Variants in ATP10D observed in about 807,000 individuals in gnomAD.
ATP10D encodes the protein ATPase phospholipid transporting 10D (putative), also known as phospholipid-transporting ATPase VD.
In ATP10D, 89 loss-of-function variants were observed where a neutral mutation model predicts 144.8. The observed-to-expected ratio is 0.61, with a 90% CI of 0.52 to 0.73. ATP10D has a LOEUF of 0.73. Among genes scored for constraint, ATP10D ranks in the 30% least tolerant of loss-of-function variants. The pLI is 0.00. For missense variants in ATP10D, 1,603 were observed against 1,714.8 expected (o/e 0.93, Z 1.15); for synonymous variants, 571 against 615.1 (o/e 0.93, Z 1.06).
At position 47,546,659 on chromosome 4, in the gene ATP10D, G is replaced by T; in HGVS notation, c.1432G>T (p.Glu478Ter). 6.2e-7 allele frequency: 1 copy of T among 1,614,122 alleles called. No individual in the cohort carries two copies. Among genetic ancestry groups the T allele is most frequent in the Non-Finnish European group, 8.5e-7 (1 of 1,179,970 alleles). Residue 478 changes from glutamate to a stop codon, truncating the protein, a stop_gained, in exon 10 of 23, where the codon GAA becomes TAA. Coordinates refer to ENST00000273859, the MANE Select transcript of ATP10D (RefSeq NM_020453.4). LOFTEE classifies it high-confidence loss of function. ...GGAGTCCTATCAGGAAGCTGTCTCT[G>T]AAGATGAAGATTTTATAGACACAGT... ...RLESYQEAVS[E>*]DEDFIDTVSG...
At chr4:47,550,155 G>A (rs1718660532) in intron 10 of ATP10D, among the ~76,000 whole-genome samples, 2 of 152,064 alleles carry the variant, frequency 1.3e-5, no homozygotes, top group Admixed American at 1.3e-4. Context: ...AACAGTATTA[G>A]AGCTCCTTGG....
chr4:47,512,522 A>T lies in ATP10D; in HGVS notation c.-19A>T. ...TTGCCAGGTCAGCTACACAACCTGGATCTTACCACAGTTTGGATATGACTG... is the reference window on the plus strand; with the variant it reads ...TTGCCAGGTCAGCTACACAACCTGGTTCTTACCACAGTTTGGATATGACTG... On this transcript the variant is annotated 5_prime_UTR_variant, in exon 2 of 23. Coordinates refer to ENST00000273859, the MANE Select transcript of ATP10D (RefSeq NM_020453.4). The T allele has an allele frequency of 1.3e-6, 2 of 1,596,618 alleles. No homozygotes were observed.
Position 47,523,550 on chromosome 4 carries a change from A to G in ATP10D, c.690+334A>G, listed in dbSNP as rs975272516. Among the ~76,000 whole-genome samples, 4 of 152,190 alleles carry G rather than the reference A, an allele frequency of 2.6e-5. No individual in the cohort carries two copies. In the South Asian group the frequency reaches 8.3e-4, roughly 32 times the overall value. On this transcript the variant is annotated intron_variant, in intron 4 of 22. Transcript: ENST00000273859. Reference sequence around the variant, plus strand: ...TTCTAAAATCTGTAATTACTTATATACCAAAGCTTAAAACTTTAGCAGCTT... The same window carrying G: ...TTCTAAAATCTGTAATTACTTATATGCCAAAGCTTAAAACTTTAGCAGCTT...
chr4:47,573,082 C>A, intron 18 of ATP10D, 85 bp downstream of exon 18: 1 of 1,477,030 alleles, frequency 6.8e-7, no homozygotes, highest in Non-Finnish European at 9.3e-7. Context: ...GTGTCCTATG[C>A]TAAGCTCACT....
chr4:47,508,247 T>C (rs1485417396), intron 1 of ATP10D, among the ~76,000 whole-genome samples: 4 of 152,202 alleles, frequency 2.6e-5, no homozygotes, highest in African/African-American at 9.7e-5. Context: ...TCTTTTTGAT[T>C]GTTCGGTTTT....
chr4:47,560,836 G>A, intron 13 of ATP10D, 113 bp from the exon 14 acceptor site: 1 of 1,329,900 alleles, frequency 7.5e-7, no homozygotes, highest in Non-Finnish European at 1.1e-6. Flanking sequence ...TGTGCCCAGA[G>A]GGAGGAATAT....
chr4:47,536,562 C>G lies in ATP10D; in HGVS notation c.1141C>G (p.Gln381Glu). 1.2e-6 allele frequency: 2 copies of G among 1,611,928 alleles called. No individual in the cohort carries two copies. Among genetic ancestry groups the G allele is most frequent in the Non-Finnish European group, 1.7e-6 (2 of 1,179,262 alleles). Reference sequence around the variant, plus strand: ...GTTTTGGACCATGATCATTTTGTTACAGGTAATTTTTTATCAAGCTTATGG... The same window carrying G: ...GTTTTGGACCATGATCATTTTGTTAGAGGTAATTTTTTATCAAGCTTATGG... ...YMFWTMIILL[Q>E]VLIPISLYVS... The change falls in exon 8 of 23, where the codon CAG becomes GAG. Residue 381 changes from glutamine (Q) to glutamate (E), a missense_variant and splice_region_variant. Coordinates refer to ENST00000273859, the MANE Select transcript of ATP10D (RefSeq NM_020453.4).
At chr4:47,486,093 G>A (rs918304186) in intron 1 of ATP10D, among the ~76,000 whole-genome samples, 5 of 152,166 alleles carry the variant, frequency 3.3e-5, no homozygotes, top group Admixed American at 3.3e-4. Context: ...TTTCAAAGGA[G>A]TGCTACAAAG....
At chr4:47,535,732 T>A in intron 6 of ATP10D, 117 bp downstream of exon 6, 2 of 1,332,156 alleles carry the variant, frequency 1.5e-6, no homozygotes, top group Non-Finnish European at 2.0e-6. Context: ...CTGATAAACT[T>A]AATTATTGGT....
Position 47,536,837 on chromosome 4 carries a change from T to G in ATP10D, c.1295T>G (p.Ile432Ser). Residue 432 changes from isoleucine (I) to serine (S), a missense_variant, in exon 9 of 23, where the codon ATT becomes AGT. By Grantham distance (142) the Ile-to-Ser change is moderately radical. Coordinates refer to ENST00000273859, the MANE Select transcript of ATP10D (RefSeq NM_020453.4). ...ALNIAEDLGQ[I>S]QYLFSDKTGT... ...AACATCGCCGAGGATCTGGGACAGA[T>G]TCAGTACCTCTTTTCCGATAAGACA... 1 of 1,613,390 alleles carries G rather than the reference T, an allele frequency of 6.2e-7. No individual in the cohort carries two copies.
intron 3 of ATP10D, among the ~76,000 whole-genome samples, chr4:47,520,569 T>C (rs551462677): frequency 6.6e-6 from 1 of 152,122 alleles, no homozygotes; most frequent in East Asian, 1.9e-4. Context: ...CTTTTTTGTT[T>C]TGTTTTGTTT....
At chr4:47,499,066 G>A (rs77434227) in intron 1 of ATP10D, among the ~76,000 whole-genome samples, 14,235 of 152,166 alleles carry the variant, frequency 0.094, 779 homozygotes, top group Non-Finnish European at 0.12. Flanking sequence ...TTTATCTCTC[G>A]GTTAGTCTTT....
intron 22 of ATP10D, among the ~76,000 whole-genome samples, chr4:47,589,706 G>T (rs1379082146): frequency 2.0e-5 from 3 of 151,998 alleles, no homozygotes; most frequent in Non-Finnish European, 2.9e-5. Flanking sequence ...AGAAGGAAAG[G>T]TTTCCATATT....
chr4:47,550,031 A>T (rs1327589653), intron 10 of ATP10D, among the ~76,000 whole-genome samples: 1 of 149,638 alleles, frequency 6.7e-6, no homozygotes, highest in East Asian at 2.0e-4. Context: ...ATTTGCGTCC[A>T]CTCTTAAGCC....
chr4:47,518,160 T>C (rs1384403733), intron 3 of ATP10D, among the ~76,000 whole-genome samples: 1 of 152,142 alleles, frequency 6.6e-6, no homozygotes, highest in Admixed American at 6.5e-5. Flanking sequence ...AAATTTAGGG[T>C]GAAATTATGG....
chr4:47,517,891 G>A (rs1458043211), intron 3 of ATP10D, among the ~76,000 whole-genome samples: 2 of 152,068 alleles, frequency 1.3e-5, no homozygotes, highest in Non-Finnish European at 2.9e-5. Flanking sequence ...TCCATTCTAA[G>A]ATGTTCCTTT....
chr4:47,543,304 C>A lies in ATP10D; in HGVS notation c.1397-3320C>A, dbSNP rs139592856. Among the ~76,000 whole-genome samples the A allele has an allele frequency of 4.4e-3, 674 of 152,188 alleles. 8 individuals carry two copies. The highest frequency in any genetic ancestry group is 0.019 in the Admixed American group (298 of 15,292). ...CACTGGGGGTCTTGGAACATATCCC[C>A]TGTGAAAAAGGGGAAACTTCTGTAT... On this transcript the variant is annotated intron_variant, in intron 9 of 22. Transcript: ENST00000273859.
intron 11 of ATP10D, among the ~76,000 whole-genome samples, chr4:47,555,944 G>A (rs541548343): frequency 7.0e-4 from 107 of 152,224 alleles, no homozygotes; most frequent in African/African-American, 2.2e-3. Flanking sequence ...AGTAGAGACA[G>A]GGTTTCACCA....
intron 14 of ATP10D, among the ~76,000 whole-genome samples, chr4:47,562,561 A>G (rs1719369607): frequency 6.6e-6 from 1 of 152,204 alleles, no homozygotes; most frequent in African/African-American, 2.4e-5. Flanking sequence ...GCAAGGATGC[A>G]GAGAAAAGGG....
Sources: allele counts gnomAD v4.1 joint callset (sites outside exome capture counted in the v4.1 genomes callset), GRCh38; gene constraint gnomAD v4.1.1; transcripts MANE v1.5; gene names NCBI Gene and HGNC (gene_info 2026-07-23, HGNC 2026-07-21).